The following EVC2 variants were observed in gnomAD, a reference collection of about 807,000 sequenced individuals.
EVC2 encodes EvC ciliary complex subunit 2.
Under a neutral mutation model 149.3 loss-of-function variants are expected in EVC2, and 148 were observed. The observed-to-expected ratio is 0.99, with a 90% CI of 0.87 to 1.14. The LOEUF (loss-of-function observed/expected upper bound fraction) is 1.14, where lower values mean the gene tolerates loss of function less well. EVC2 is among the 50% of genes most tolerant of loss of function. The probability of loss-of-function intolerance (pLI) is 0.00; values close to 1 mark genes in which losing one functional copy is unlikely to be tolerated. For missense variants in EVC2, 1,854 were observed against 1,627.3 expected, an observed-to-expected ratio of 1.14 and a Z score of -2.40; for synonymous variants, 776 against 649.9, an observed-to-expected ratio of 1.19 and a Z score of -2.95.
intron 1 of EVC2, among the ~76,000 whole-genome samples, chr4:5,704,427 G>A (rs73795008): frequency 0.14 from 21,951 of 152,034 alleles, 1,757 homozygotes; most frequent in South Asian, 0.2. Context: ...GCAGGATTTC[G>A]GTTCTGCCTT....
At position 5,622,531 on chromosome 4, in the gene EVC2, A is replaced by G; in HGVS notation, c.2501+6T>C. On this transcript the variant is annotated splice_donor_region_variant and intron_variant, in intron 14 of 21. Transcript: ENST00000344408. This position sits in a 1 kb window ranked among gnomAD's most constrained non-coding sequence, Gnocchi z 5.8. Reference sequence around the variant, plus strand: ...AGGGGTGATTACGACCCGCAAAGGCACTCACATGAAGATCAGGTGCTCCCA... The same window carrying G: ...AGGGGTGATTACGACCCGCAAAGGCGCTCACATGAAGATCAGGTGCTCCCA... 6 of 1,613,294 alleles carry G rather than the reference A, an allele frequency of 3.7e-6. No individual in the cohort carries two copies. The highest frequency in any genetic ancestry group is 5.1e-6 in the Non-Finnish European group (6 of 1,179,758).
intron 12 of EVC2, 149 bp from the exon 13 acceptor site, chr4:5,626,057 A>C: frequency 1.1e-6 from 1 of 921,822 alleles, no homozygotes; most frequent in Non-Finnish European, 1.7e-6. Flanking sequence ...ATGGGCAGCT[A>C]AGATATTACT....
chr4:5,656,277 C>T (rs11735503), intron 9 of EVC2, among the ~76,000 whole-genome samples: 37,814 of 151,920 alleles, frequency 0.25, 4,971 homozygotes, highest in East Asian at 0.42. Flanking sequence ...CAGGAACATT[C>T]CATAAACCAT....
At position 5,671,798 on chromosome 4, in the gene EVC2, C is replaced by A. The variant is rs572605233; in HGVS notation, c.871-6149G>T. Among the ~76,000 whole-genome samples, 13 of 152,374 alleles carry A rather than the reference C, an allele frequency of 8.5e-5. No homozygotes were observed. In the East Asian group the frequency reaches 2.1e-3, roughly 25 times the overall value. ...GTGTTGGGATTACAGACGTCAGCCA[C>A]TGCGCCTGGCCTCAAACAATATTTT... is the stretch of plus-strand genomic sequence containing the variant. On this transcript the variant is annotated intron_variant, in intron 7 of 21. Transcript: ENST00000344408.
rs922308305 is a variant in EVC2 at position 5,640,418 on chromosome 4, T to C, written c.1470+96A>G. The C allele has an allele frequency of 2.1e-6, 3 of 1,424,842 alleles. No homozygotes were observed. The highest frequency in any genetic ancestry group is 2.8e-5 in the African/African-American group (2 of 70,542). The allele number at this position is 1,424,842 out of a possible 1,614,324, so 88.3% of individuals were successfully genotyped here. ...GTTGGATGGATGATGGGTAGACGGA[T>C]GGAGGAGGCAAATGGACAGATGAGT... On this transcript the variant is annotated intron_variant, in intron 10 of 21. Transcript: ENST00000344408. This position sits in a 1 kb window ranked among gnomAD's most constrained non-coding sequence, Gnocchi z 4.6.
intron 9 of EVC2, among the ~76,000 whole-genome samples, chr4:5,643,085 T>C (rs1717461019): frequency 6.6e-6 from 1 of 152,190 alleles, no homozygotes; most frequent in Non-Finnish European, 1.5e-5. Flanking sequence ...ATATCTACTT[T>C]ACTTAACCTT....
rs1716299767 is a variant in EVC2, at chr4:5,628,607, A to C, written c.1838T>G (p.Leu613Arg). 6.2e-7 allele frequency: 1 copy of C among 1,614,048 alleles called. No individual in the cohort carries two copies. The highest frequency in any genetic ancestry group is 1.3e-5 in the African/African-American group (1 of 74,914). ...QSSETRVQGL[L>R]STAAAQLTHL... ...AGTCAGCTGGGCTGCAGCGGTGCTCAGAAGGCCCTGCACACGGGTCTCTGA... is the reference window on the plus strand; with the variant it reads ...AGTCAGCTGGGCTGCAGCGGTGCTCCGAAGGCCCTGCACACGGGTCTCTGA... The change falls in exon 12 of 22, where the codon CTG becomes CGG. Residue 613 changes from leucine to arginine, a missense_variant. Transcript: ENST00000344408.
Position 5,708,366 on chromosome 4 carries a change from G to C in EVC2, c.148C>G (p.Pro50Ala). ...GGCCCAGACCTAGGAGCCACCTGGG[G>C]ATCCCGGGGTGGCTGCGCGCCGAGG... ...RPLGAQPPRD[P>A]QVAPRSGPGL... is the part of the protein sequence containing the mutation. Residue 50 changes from proline (P) to alanine (A), a missense_variant, in exon 1 of 22, where the codon CCC becomes GCC. Pro to Ala is a conservative substitution (Grantham distance 27). Coordinates refer to ENST00000344408, the MANE Select transcript of EVC2 (RefSeq NM_147127.5). The C allele has an allele frequency of 1.3e-6, 2 of 1,489,032 alleles. No individual in the cohort carries two copies. Among genetic ancestry groups the C allele is most frequent in the Non-Finnish European group, 1.8e-6 (2 of 1,126,200 alleles). The allele number at this position is 1,489,032 out of a possible 1,614,324, so 92.2% of individuals were successfully genotyped here.
At chr4:5,689,725 G>GC (rs1358575808) in intron 4 of EVC2, among the ~76,000 whole-genome samples, 5 of 152,178 alleles carry the variant, frequency 3.3e-5, no homozygotes, top group Admixed American at 6.5e-5. Flanking sequence ...TTCAGCCTCA[G>GC]CCCAGGGTCT....
chr4:5,654,746 C>T (rs1718392042), intron 9 of EVC2, among the ~76,000 whole-genome samples: 1 of 152,212 alleles, frequency 6.6e-6, no homozygotes, highest in East Asian at 1.9e-4. Flanking sequence ...GACACACTTC[C>T]AGGCCGCTGA....
intron 21 of EVC2, among the ~76,000 whole-genome samples, chr4:5,553,454 T>C (rs149215163): frequency 1.3e-5 from 2 of 152,206 alleles, no homozygotes; most frequent in South Asian, 2.1e-4. Context: ...ACTGCCTTAA[T>C]AGTGGGAATA....
At chr4:5,532,983 A>G in the EVC2 span, among the ~76,000 whole-genome samples, 29 of 150,916 alleles carry the variant, frequency 1.9e-4, no homozygotes, top group African/African-American at 7.1e-4. Context: ...AAGGAACCGA[A>G]CCTTATTCAC....
chr4:5,701,445 T>A (rs1721819494), intron 1 of EVC2, among the ~76,000 whole-genome samples: 1 of 152,196 alleles, frequency 6.6e-6, no homozygotes, highest in African/African-American at 2.4e-5. Flanking sequence ...CTTTCTCCCT[T>A]CCTGAAATGC....
chr4:5,562,161 A>G (rs2108764239), downstream of EVC2, among the ~76,000 whole-genome samples: 1 of 152,336 alleles, frequency 6.6e-6, no homozygotes, highest in African/African-American at 2.4e-5. This position sits in a 1 kb window ranked among gnomAD's most constrained non-coding sequence, Gnocchi z 4.3. Flanking sequence ...TTTGTGGGCC[A>G]TGAAGTGTGA....
chr4:5,554,142 T>C (rs547830869), intron 21 of EVC2, among the ~76,000 whole-genome samples: 12 of 152,162 alleles, frequency 7.9e-5, no homozygotes, highest in Non-Finnish European at 1.5e-4. Flanking sequence ...CTCTCACTCA[T>C]AGGACAAGGA....
Position 5,635,772 on chromosome 4 carries a change from C to T in EVC2, c.1471-3740G>A, listed in dbSNP as rs903176888. Among the ~76,000 whole-genome samples the T allele has an allele frequency of 3.3e-5, 5 of 152,300 alleles. 1 individual carries two copies. The South Asian group carries it at 1.0e-3, about 32-fold the overall frequency. ...ACAGGGGTTAGAAAGCCTCAGGCAGCCCAGGGCAAGACATCTGCTGGGCCT... is the reference window on the plus strand; with the variant it reads ...ACAGGGGTTAGAAAGCCTCAGGCAGTCCAGGGCAAGACATCTGCTGGGCCT... On this transcript the variant is annotated intron_variant, in intron 10 of 21. Transcript: ENST00000344408.
At chr4:5,555,658 T>C (rs1721825987) in intron 21 of EVC2, among the ~76,000 whole-genome samples, 1 of 152,096 alleles carries the variant, frequency 6.6e-6, no homozygotes, top group Non-Finnish European at 1.5e-5. Flanking sequence ...TTTTACAATA[T>C]ATGCAAATTC....
intron 9 of EVC2, among the ~76,000 whole-genome samples, chr4:5,655,386 G>C (rs1718448848): frequency 6.6e-6 from 1 of 152,146 alleles, no homozygotes; most frequent in South Asian, 2.1e-4. Context: ...TCATGGGGCT[G>C]GAGTGAGGAG....
At position 5,543,235 on chromosome 4, in the gene EVC2, T is replaced by A. The variant is rs564444382; in HGVS notation, c.3420-23A>T. The A allele has an allele frequency of 1.3e-4, 172 of 1,288,436 alleles. 1 individual carries two copies. In the African/African-American group the frequency reaches 2.4e-3, roughly 18 times the overall value. 79.8% of individuals were successfully genotyped at this position (1,288,436 alleles called of 1,614,324 possible). On this transcript the variant is annotated intron_variant and NMD_transcript_variant, in intron 21 of 22. Transcript: ENST00000475313. Reference sequence around the variant, plus strand: ...GACCTGGAACAGGATACAATCCTGGTCTAACCAAAGTCTCTCCCATCCCTA... The same window carrying A: ...GACCTGGAACAGGATACAATCCTGGACTAACCAAAGTCTCTCCCATCCCTA...
Sources: allele counts gnomAD v4.1 joint callset (sites outside exome capture counted in the v4.1 genomes callset), GRCh38; gene constraint gnomAD v4.1.1; non-coding constraint Gnocchi (gnomAD v3.1); transcripts MANE v1.5; gene names NCBI Gene and HGNC (gene_info 2026-07-23, HGNC 2026-07-21).